Variants in MYO9B observed in about 807,000 individuals in gnomAD.
MYO9B encodes myosin IXB.
MYO9B carries 71 observed loss-of-function variants against 229.5 expected under a neutral mutation model. That is an observed-to-expected ratio of 0.31 (90% CI 0.26 to 0.38). The LOEUF is 0.38. Ranked by LOEUF, MYO9B falls within the 10% of genes least tolerant of loss-of-function variation. The probability of loss-of-function intolerance (pLI) is 1.00; values close to 1 mark genes in which losing one functional copy is unlikely to be tolerated. For missense variants in MYO9B, 2,255 were observed against 2,920.5 expected, an observed-to-expected ratio of 0.77 and a Z score of 5.25; for synonymous variants, 1,185 against 1,235.8, an observed-to-expected ratio of 0.96 and a Z score of 0.86.
chr19:17,104,502 C>T (rs573754810), intron 2 of MYO9B, among the ~76,000 whole-genome samples: 8 of 152,312 alleles, frequency 5.3e-5, no homozygotes, highest in Non-Finnish European at 1.0e-4. Context: ...CTCAGAACAA[C>T]GCAACCATCG....
Position 17,212,269 on chromosome 19 carries a change from A to C in MYO9B, c.6433A>C (p.Thr2145Pro). The C allele has an allele frequency of 6.4e-7, 1 of 1,559,110 alleles. No homozygotes were observed. The highest frequency in any genetic ancestry group is 8.6e-7 in the Non-Finnish European group (1 of 1,159,640). Residue 2145 changes from threonine to proline, a missense_variant, in exon 40 of 40, where the codon ACG becomes CCG. By Grantham distance (38) the Thr-to-Pro change is conservative. Coordinates refer to ENST00000682292, the MANE Select transcript of MYO9B (RefSeq NM_004145.4). This position sits in a 1 kb window ranked among gnomAD's most constrained non-coding sequence, Gnocchi z 5.4. ...GAKRRYSDPP[T>P]YCLPPASGQT... ...CAAGCGGAGGTACTCGGATCCCCCA[A>C]CGTACTGCCTGCCCCCCGCCTCGGG...
chr19:17,210,329 C>G lies in MYO9B; in HGVS notation c.5749-4C>G. 6.3e-7 allele frequency: 1 copy of G among 1,595,556 alleles called. No homozygotes were observed. Among genetic ancestry groups the G allele is most frequent in the Non-Finnish European group, 8.5e-7 (1 of 1,170,760 alleles). ...TGGTCACCCTGTGTTCATCTCTCTC[C>G]CAGCCATGGCCTCTCAAACTGGGGT... is the stretch of plus-strand genomic sequence containing the variant. On this transcript the variant is annotated splice_region_variant and splice_polypyrimidine_tract_variant and intron_variant, in intron 36 of 39. Transcript: ENST00000682292.
intron 2 of MYO9B, among the ~76,000 whole-genome samples, chr19:17,130,285 A>G (rs1001787336): frequency 4.3e-4 from 65 of 151,764 alleles, no homozygotes; most frequent in Non-Finnish European, 1.2e-4. Context: ...AGCCTGGCCA[A>G]CATAGCAAGA....
intron 2 of MYO9B, among the ~76,000 whole-genome samples, chr19:17,133,528 T>G (rs1236715323): frequency 1.3e-5 from 2 of 148,234 alleles, no homozygotes; most frequent in Middle Eastern, 3.8e-3. Context: ...GCAATCACAG[T>G]TCACTGCAGC....
intron 2 of MYO9B, among the ~76,000 whole-genome samples, chr19:17,142,887 G>A (rs2072359202): frequency 6.6e-6 from 1 of 152,092 alleles, no homozygotes; most frequent in Non-Finnish European, 1.5e-5. Flanking sequence ...CCTATCAGAT[G>A]AATGGTTACA....
chr19:17,155,210 TG>T (rs1310581923), intron 6 of MYO9B, among the ~76,000 whole-genome samples: 1 of 151,900 alleles, frequency 6.6e-6, no homozygotes, highest in Non-Finnish European at 1.5e-5. Flanking sequence ...TTTTTTTAGA[TG>T]GGGTCTCGCT....
chr19:17,104,975 G>C (rs1380992268), intron 2 of MYO9B, among the ~76,000 whole-genome samples: 1 of 152,154 alleles, frequency 6.6e-6, no homozygotes, highest in African/African-American at 2.4e-5. Context: ...TTGGACAAAA[G>C]TATAATGAAT....
At position 17,195,322 on chromosome 19, in the gene MYO9B, C is replaced by T. The variant is rs1321926607; in HGVS notation, c.3895C>T (p.Arg1299Trp). 18 of 1,612,576 alleles carry T rather than the reference C, an allele frequency of 1.1e-5. No homozygotes were observed. The highest frequency in any genetic ancestry group is 3.3e-5 in the Admixed American group (2 of 60,016). The change falls in exon 22 of 40, where the codon CGG (arginine) becomes TGG (tryptophan). Residue 1299 changes from arginine to tryptophan, a missense_variant. Physicochemically the swap from Arg to Trp is moderately radical, Grantham distance 101 (BLOSUM62 -3). Around this residue, in one of 7 missense-constraint regions of MYO9B, gnomAD observed 679 missense variants for 770.2 expected, o/e 0.88. Transcript: ENST00000682292. This position sits in a 1 kb window ranked among gnomAD's most constrained non-coding sequence, Gnocchi z 4.5. ...DSPGGSTQIQ[R>W]YLDAERLASA... ...CCCCGGAGGCTCCACGCAGATCCAG[C>T]GGTACCTGGACGCCGAGCGGCTGGC...
chr19:17,198,110 C>A, intron 23 of MYO9B, 74 bp from the exon 24 acceptor site: 2 of 1,585,296 alleles, frequency 1.3e-6, no homozygotes, highest in Non-Finnish European at 1.7e-6. Flanking sequence ...AGTGTAAATG[C>A]CTGCAGGGGC....
At chr19:17,209,190 C>T (rs1005124582) in intron 35 of MYO9B, among the ~76,000 whole-genome samples, 5 of 152,232 alleles carry the variant, frequency 3.3e-5, no homozygotes, top group Non-Finnish European at 5.9e-5. Context: ...ACTGACAACA[C>T]CAGGCTGGCC....
Position 17,212,120 on chromosome 19 carries a change from G to A in MYO9B, c.6284G>A (p.Arg2095Gln), listed in dbSNP as rs199852311. 1.9e-3 allele frequency: 3,080 copies of A among 1,589,308 alleles called. 83 individuals are homozygous for A. Among genetic ancestry groups the A allele is most frequent in the South Asian group, 3.0e-4 (27 of 88,526 alleles). ...GCCCGGGAGGCGGCTGCCCCAGTGCGGCGCCGGGAGCCACCTGCCCGCCGC... is the reference window on the plus strand; with the variant it reads ...GCCCGGGAGGCGGCTGCCCCAGTGCAGCGCCGGGAGCCACCTGCCCGCCGC... Reference protein sequence around the residue: ...PGAREAAAPVRRREPPARRPD... With the variant: ...PGAREAAAPVQRREPPARRPD... Residue 2095 changes from arginine to glutamine, a missense_variant, in exon 40 of 40, where the codon CGG (arginine) becomes CAG (glutamine). By Grantham distance (43) the Arg-to-Gln change is conservative. Coordinates refer to ENST00000682292, the MANE Select transcript of MYO9B (RefSeq NM_004145.4). The surrounding 1 kb of genome is among the most constrained non-coding windows in gnomAD (Gnocchi z 5.4).
rs1188293667 is a variant in MYO9B, at chr19:17,190,663, C to CT, written c.2689-424dup. The stretch of plus-strand genomic sequence containing the variant: ...AAAAAAAAAAAAAAACAGACTATTT[C>CT]TTTTTTTTTTCTTAAGACGGAGTCT... On this transcript the variant is annotated intron_variant, in intron 19 of 39. Transcript: ENST00000682292. Among the ~76,000 whole-genome samples, 539 of 144,238 alleles carry CT rather than the reference C, an allele frequency of 3.7e-3. 2 individuals carry two copies. Among genetic ancestry groups the CT allele is most frequent in the African/African-American group, 0.013 (507 of 39,592 alleles). The allele number at this position is 144,238 out of a possible 152,430, so 94.6% of individuals were successfully genotyped here. A position where few individuals can be genotyped will look rare whatever the true frequency, so the allele number is the denominator to read the frequency against.
chr19:17,203,706 G>A (rs555210799), intron 30 of MYO9B, among the ~76,000 whole-genome samples: 10 of 150,918 alleles, frequency 6.6e-5, no homozygotes, highest in South Asian at 4.2e-4. Flanking sequence ...CCCTCAAACC[G>A]TCCACCATCA....
intron 3 of MYO9B, among the ~76,000 whole-genome samples, chr19:17,147,596 T>C (rs528533477): frequency 2.1e-5 from 3 of 143,196 alleles, no homozygotes; most frequent in Admixed American, 7.0e-5. Flanking sequence ...GCAAACAAAA[T>C]TAGCTGGGCG....
At chr19:17,084,757 T>A (rs555619228) in intron 1 of MYO9B, among the ~76,000 whole-genome samples, 1 of 151,030 alleles carries the variant, frequency 6.6e-6, no homozygotes, top group East Asian at 2.0e-4. Context: ...CACACAAAAT[T>A]AGCCAGGTAT....
chr19:17,189,632 A>G (rs1337063252), intron 19 of MYO9B, among the ~76,000 whole-genome samples: 1 of 151,976 alleles, frequency 6.6e-6, no homozygotes, highest in African/African-American at 2.4e-5. Flanking sequence ...TCAAAAAAAA[A>G]CATGTTCCTC....
At chr19:17,083,732 C>T (rs532185834) in intron 1 of MYO9B, among the ~76,000 whole-genome samples, 5 of 151,538 alleles carry the variant, frequency 3.3e-5, no homozygotes, top group Admixed American at 6.6e-5. Flanking sequence ...CTGCAGCCTC[C>T]ACCTCCCAGC....
rs754884821 is a variant in MYO9B at position 17,212,285 on chromosome 19, C to A, written c.6449C>A (p.Pro2150His). 3 of 1,531,416 alleles carry A rather than the reference C, an allele frequency of 2.0e-6. No individual in the cohort carries two copies. The highest frequency in any genetic ancestry group is 1.7e-4 in the Middle Eastern group (1 of 5,796). 94.9% of individuals were successfully genotyped at this position (1,531,416 alleles called of 1,614,324 possible). The change falls in exon 40 of 40, where the codon CCC (proline) becomes CAC (histidine). Residue 2150 changes from proline (P) to histidine (H), a missense_variant. Transcript: ENST00000682292. The surrounding 1 kb of genome is among the most constrained non-coding windows in gnomAD (Gnocchi z 5.4). The stretch of plus-strand genomic sequence containing the variant: ...GATCCCCCAACGTACTGCCTGCCCC[C>A]CGCCTCGGGCCAGACCAATGGCTGA... ...YSDPPTYCLPPASGQTNG is the reference protein window; with the variant it reads ...YSDPPTYCLPHASGQTNG
chr19:17,097,331 A>T (rs2057702890), intron 1 of MYO9B, among the ~76,000 whole-genome samples: 1 of 149,490 alleles, frequency 6.7e-6, no homozygotes, highest in African/African-American at 2.5e-5. Flanking sequence ...AAAAAAATTA[A>T]AAAAAAAAAA....
Sources: gnomAD v4.1 joint callset for allele counts (sites outside exome capture counted in the v4.1 genomes callset) on GRCh38, gnomAD v4.1.1 for gene constraint, gnomAD v4.1.1 regional missense constraint, Gnocchi (gnomAD v3.1) non-coding constraint, MANE v1.5 for transcripts, NCBI Gene and HGNC (gene_info 2026-07-23, HGNC 2026-07-21) for gene names.